The following NRG1 variants were observed in gnomAD, a reference collection of about 807,000 sequenced individuals.
NRG1 encodes neuregulin 1, also known as pro-neuregulin-1, membrane-bound isoform.
NRG1 carries 18 observed loss-of-function variants against 63.8 expected under a neutral mutation model. The observed-to-expected ratio is 0.28, with a 90% CI of 0.19 to 0.42. The LOEUF (loss-of-function observed/expected upper bound fraction) is 0.42. Among genes scored for constraint, NRG1 ranks in the 10% least tolerant of loss-of-function variants. The pLI, the probability that NRG1 is intolerant of heterozygous loss-of-function variation, is 1.00. For synonymous variants in NRG1, 302 were observed against 301.3 expected, an observed-to-expected ratio of 1.00 and a Z score of -0.02; for missense variants, 762 against 814.7, an observed-to-expected ratio of 0.94 and a Z score of 0.79.
intron 5 of NRG1, among the ~76,000 whole-genome samples, chr8:32,666,165 T>G (rs2128883757): frequency 6.6e-6 from 1 of 152,324 alleles, no homozygotes; most frequent in South Asian, 2.1e-4. Context: ...GGCCTGGAAC[T>G]TAGATTTTTG....
intron 1 of NRG1, among the ~76,000 whole-genome samples, chr8:31,644,331 A>C (rs1804087674): frequency 6.6e-6 from 1 of 152,202 alleles, no homozygotes; most frequent in Middle Eastern, 3.2e-3. Flanking sequence ...TAGAGAAACT[A>C]TGTATTTATT....
At chr8:32,263,830 T>C (rs532606841) in intron 1 of NRG1, among the ~76,000 whole-genome samples, 2 of 152,292 alleles carry the variant, frequency 1.3e-5, no homozygotes, top group African/African-American at 4.8e-5. Context: ...CAGTGAAATC[T>C]AAAAGTCCAA....
intron 1 of NRG1, among the ~76,000 whole-genome samples, chr8:31,930,543 C>G (rs1330144478): frequency 6.6e-6 from 1 of 152,152 alleles, no homozygotes; most frequent in African/African-American, 2.4e-5. Context: ...TTCTAAACAA[C>G]TTTATTGAAG....
chr8:32,056,681 G>A (rs1344829331), intron 1 of NRG1, among the ~76,000 whole-genome samples: 1 of 151,998 alleles, frequency 6.6e-6, no homozygotes, highest in Non-Finnish European at 1.5e-5. Flanking sequence ...TGCAGTCCTT[G>A]GCACTGAAAA....
At chr8:32,695,098 G>A (rs1190189151) in intron 5 of NRG1, among the ~76,000 whole-genome samples, 1 of 152,160 alleles carries the variant, frequency 6.6e-6, no homozygotes, top group East Asian at 1.9e-4. Context: ...GCTCATGCCT[G>A]TAATCTCAGC....
intron 1 of NRG1, among the ~76,000 whole-genome samples, chr8:31,857,567 C>T (rs943209658): frequency 3.9e-5 from 6 of 152,308 alleles, no homozygotes; most frequent in South Asian, 2.1e-4. Flanking sequence ...AGAAATCACC[C>T]GTCTTCTGCG....
At chr8:32,708,179 T>C (rs148722253) in intron 5 of NRG1, among the ~76,000 whole-genome samples, 62 of 152,278 alleles carry the variant, frequency 4.1e-4, no homozygotes, top group Non-Finnish European at 1.5e-4. Flanking sequence ...CAAATGTTCT[T>C]ATATCTGCTT....
At chr8:32,580,980 TA>T (rs1157004928) in intron 1 of NRG1, among the ~76,000 whole-genome samples, 4 of 152,188 alleles carry the variant, frequency 2.6e-5, no homozygotes, top group African/African-American at 9.7e-5. Context: ...ATAGCTACTT[TA>T]ACAATTTTTT....
At chr8:32,679,487 C>G (rs1004889236) in intron 5 of NRG1, among the ~76,000 whole-genome samples, 7 of 152,096 alleles carry the variant, frequency 4.6e-5, no homozygotes, top group African/African-American at 1.7e-4. Flanking sequence ...AAAAATTAAG[C>G]ATTTAGCTCT....
intron 1 of NRG1, among the ~76,000 whole-genome samples, chr8:32,356,754 C>T (rs1806483658): frequency 6.6e-6 from 1 of 152,178 alleles, no homozygotes; most frequent in Admixed American, 6.5e-5. Flanking sequence ...GCTGCATGTC[C>T]TTTGTGTCTC....
chr8:32,612,816 G>T (rs1793822226), intron 3 of NRG1, among the ~76,000 whole-genome samples: 1 of 151,920 alleles, frequency 6.6e-6, no homozygotes, highest in African/African-American at 2.4e-5. Flanking sequence ...GACTTCATCT[G>T]GTTGTAATGT....
intron 1 of NRG1, among the ~76,000 whole-genome samples, chr8:31,742,328 T>A (rs1032586962): frequency 5.9e-5 from 9 of 151,934 alleles, no homozygotes; most frequent in Non-Finnish European, 1.0e-4. Flanking sequence ...AGTAGAAAGA[T>A]ATTTGAACAT....
chr8:32,735,117 T>C (rs1165758968), intron 6 of NRG1, among the ~76,000 whole-genome samples: 1 of 152,188 alleles, frequency 6.6e-6, no homozygotes, highest in Non-Finnish European at 1.5e-5. Context: ...AAAAAGAGTA[T>C]GCAGTCATAC....
chr8:31,728,168 A>G (rs1344269920), intron 1 of NRG1, among the ~76,000 whole-genome samples: 2 of 152,178 alleles, frequency 1.3e-5, no homozygotes, highest in Admixed American at 6.5e-5. Flanking sequence ...GAAGACTCCT[A>G]TAGAAAATAT....
chr8:32,104,309 T>C (rs1021551521), intron 1 of NRG1, among the ~76,000 whole-genome samples: 1 of 152,160 alleles, frequency 6.6e-6, no homozygotes, highest in African/African-American at 2.4e-5. Context: ...AAATATGGTA[T>C]AAAAGATTTT....
chr8:32,075,808 G>A (rs1052835644), intron 1 of NRG1, among the ~76,000 whole-genome samples: 2 of 152,186 alleles, frequency 1.3e-5, no homozygotes, highest in Middle Eastern at 3.4e-3. Flanking sequence ...AAGTAGCTGG[G>A]ATTGCAGGCA....
chr8:32,633,940 G>A (rs796454146), intron 5 of NRG1, among the ~76,000 whole-genome samples: 25 of 151,938 alleles, frequency 1.6e-4, no homozygotes, highest in African/African-American at 4.6e-4. Flanking sequence ...CCAGGAGTTC[G>A]AGACTAGCCT....
At chr8:32,672,596 AT>A (rs1310275768) in intron 5 of NRG1, among the ~76,000 whole-genome samples, 1 of 152,226 alleles carries the variant, frequency 6.6e-6, no homozygotes, top group East Asian at 1.9e-4. Context: ...TAGAATGGAT[AT>A]TATTGTAGCC....
At chr8:32,043,379 C>T (rs1009314110) in intron 1 of NRG1, among the ~76,000 whole-genome samples, 2 of 151,884 alleles carry the variant, frequency 1.3e-5, no homozygotes, top group Admixed American at 6.6e-5. Context: ...TAAAGACATT[C>T]TCAGATTAAA....
Sources: gnomAD v4.1 joint callset for allele counts (sites outside exome capture counted in the v4.1 genomes callset) on GRCh38, gnomAD v4.1.1 for gene constraint, MANE v1.5 for transcripts, NCBI Gene and HGNC (gene_info 2026-07-23, HGNC 2026-07-21) for gene names.